Variants in RNF185 observed in about 807,000 individuals in gnomAD.
RNF185 encodes ring finger protein 185.
A neutral mutation model predicts 24.9 loss-of-function variants in RNF185; 13 were observed. The observed-to-expected ratio is 0.52, with a 90% CI of 0.34 to 0.83. The LOEUF is 0.83. Ranked by LOEUF, RNF185 falls within the 40% of genes least tolerant of loss-of-function variation. The pLI, the probability that RNF185 is intolerant of heterozygous loss-of-function variation, is 0.01. For synonymous variants in RNF185, 79 were observed against 90.3 expected (o/e 0.88, Z 0.71); for missense variants, 184 against 244.7 (o/e 0.75, Z 1.65).
At chr22:31,162,956 G>C (rs1923673825) in intron 1 of RNF185, among the ~76,000 whole-genome samples, 1 of 151,816 alleles carries the variant, frequency 6.6e-6, no homozygotes, top group Non-Finnish European at 1.5e-5. Flanking sequence ...AGTAGAGGTA[G>C]GGTTTCACTG....
intron 6 of RNF185, 132 bp from the exon 7 acceptor site, chr22:31,204,354 AAAG>A: frequency 4.6e-6 from 3 of 647,842 alleles, no homozygotes; most frequent in East Asian, 2.7e-5. Flanking sequence ...AAAAAAAAAA[AAAG>A]AAATCTTTTT....
chr22:31,165,909 A>G (rs1307849503), intron 1 of RNF185, among the ~76,000 whole-genome samples: 2 of 152,238 alleles, frequency 1.3e-5, no homozygotes, highest in African/African-American at 4.8e-5. Flanking sequence ...GCATTTGGCC[A>G]TAACCAAACC....
At chr22:31,185,788 C>G (rs751330208) in intron 1 of RNF185, among the ~76,000 whole-genome samples, 7 of 152,144 alleles carry the variant, frequency 4.6e-5, no homozygotes, top group African/African-American at 7.2e-5. Flanking sequence ...TGGTTTTATC[C>G]TCTTTCTTGT....
intron 1 of RNF185, among the ~76,000 whole-genome samples, chr22:31,164,806 G>A (rs1923811804): frequency 6.6e-6 from 1 of 151,948 alleles, no homozygotes; most frequent in African/African-American, 2.4e-5. Flanking sequence ...GGCTGGTCTT[G>A]AAGTCCCAAC....
intron 2 of RNF185, 59 bp downstream of exon 2, chr22:31,187,329 C>T: frequency 6.3e-7 from 1 of 1,593,398 alleles, no homozygotes; most frequent in South Asian, 1.1e-5. Flanking sequence ...AGCCTGTGGC[C>T]CTGGGTGGTT....
intron 1 of RNF185, among the ~76,000 whole-genome samples, chr22:31,167,482 A>T (rs1231510885): frequency 6.6e-6 from 1 of 151,952 alleles, no homozygotes; most frequent in Non-Finnish European, 1.5e-5. Context: ...TCCTCCCCCC[A>T]GCTCCTGGTA....
intron 3 of RNF185, 92 bp downstream of exon 3, chr22:31,192,794 C>T: frequency 8.3e-7 from 1 of 1,211,340 alleles, no homozygotes; most frequent in African/African-American, 1.5e-5. Context: ...AAGCTGCAAT[C>T]TGCCCTGCTT....
chr22:31,195,482 G>A lies in RNF185; in HGVS notation c.209G>A (p.Arg70Lys), dbSNP rs1365267557. The change falls in exon 4 of 7, where the codon AGA (arginine) becomes AAA (lysine). Residue 70 changes from arginine to lysine, a missense_variant. Coordinates refer to ENST00000326132, the MANE Select transcript of RNF185 (RefSeq NM_152267.4). ...TCCTGTTTGCAGTGGTTGGAGACCAGACCTAACAGACAGGTGTGTCCTGTT... is the reference window on the plus strand; with the variant it reads ...TCCTGTTTGCAGTGGTTGGAGACCAAACCTAACAGACAGGTGTGTCCTGTT... ...WPCLHQWLET[R>K]PNRQVCPVCK... 1 of 1,606,494 alleles carries A rather than the reference G, an allele frequency of 6.2e-7. No individual in the cohort carries two copies. The highest frequency in any genetic ancestry group is 1.1e-5 in the South Asian group (1 of 89,222).
chr22:31,193,206 C>T (rs891394706), intron 3 of RNF185, among the ~76,000 whole-genome samples: 1 of 152,082 alleles, frequency 6.6e-6, no homozygotes, highest in South Asian at 2.1e-4. Context: ...TGAAAGTCTC[C>T]CTGGTCGTCA....
At chr22:31,189,135 A>ATATGTG (rs368967009) in intron 2 of RNF185, among the ~76,000 whole-genome samples, 11,214 of 136,814 alleles carry the variant, frequency 0.082, 608 homozygotes, top group Admixed American at 0.16. Flanking sequence ...CAAAAAAAAA[A>ATATGTG]TGTGTGTGTG....
At chr22:31,161,481 C>T (rs1377145952) in intron 1 of RNF185, among the ~76,000 whole-genome samples, 1 of 152,228 alleles carries the variant, frequency 6.6e-6, no homozygotes, top group Admixed American at 6.5e-5. Flanking sequence ...TGTGCACCAT[C>T]CTTCTTTTCA....
chr22:31,176,509 GAC>G (rs1334221785), intron 1 of RNF185, among the ~76,000 whole-genome samples: 1 of 128,134 alleles, frequency 7.8e-6, no homozygotes, highest in Non-Finnish European at 1.6e-5. Flanking sequence ...TTTTTTTTTA[GAC>G]AGAGTCTTGC....
intron 5 of RNF185, chr22:31,197,215 T>C: frequency 4.2e-6 from 2 of 470,622 alleles, no homozygotes; most frequent in Non-Finnish European, 7.5e-6. Context: ...TAATTATATA[T>C]ACACACAAAT....
At chr22:31,190,801 A>G (rs555797906) in intron 2 of RNF185, among the ~76,000 whole-genome samples, 21 of 151,230 alleles carry the variant, frequency 1.4e-4, no homozygotes, top group Admixed American at 2.6e-4. Context: ...ATGGGGTTTC[A>G]CCATGTTGGC....
At position 31,205,828 on chromosome 22, in the gene RNF185, G is replaced by A. The variant is rs1167823834; in HGVS notation, c.*1242G>A. 1 of 152,420 alleles carries A rather than the reference G, an allele frequency of 6.6e-6. No homozygotes were observed. The highest frequency in any genetic ancestry group is 1.5e-5 in the Non-Finnish European group (1 of 68,200). 9.4% of individuals were successfully genotyped at this position (152,420 alleles called of 1,614,324 possible). A position where few individuals can be genotyped will look rare whatever the true frequency, so the allele number is the denominator to read the frequency against. On this transcript the variant is annotated 3_prime_UTR_variant, in exon 7 of 7. Coordinates refer to ENST00000326132, the MANE Select transcript of RNF185 (RefSeq NM_152267.4). The stretch of plus-strand genomic sequence containing the variant: ...ATGATATTGTGTGGTCTTCCCTCCT[G>A]TGGAATCGAGGGGAAATTATTCTTC...
chr22:31,183,939 C>CCACCT (rs397748304), intron 1 of RNF185, among the ~76,000 whole-genome samples: 5 of 139,976 alleles, frequency 3.6e-5, no homozygotes, highest in African/African-American at 1.3e-4. Context: ...GAGGGGCTCC[C>CCACCT]ACCTCCCGGA....
chr22:31,191,747 G>A (rs374044714), intron 2 of RNF185, among the ~76,000 whole-genome samples: 3 of 149,248 alleles, frequency 2.0e-5, no homozygotes, highest in Admixed American at 6.7e-5. Flanking sequence ...CAGGAGAATC[G>A]CTTGAACCTG....
At chr22:31,198,650 T>A (rs1163676995) in intron 5 of RNF185, among the ~76,000 whole-genome samples, 1 of 149,060 alleles carries the variant, frequency 6.7e-6, no homozygotes, top group Non-Finnish European at 1.5e-5. Context: ...CCGCCCTCCT[T>A]GGCCTCCCAA....
At chr22:31,174,899 G>A (rs1022078816) in intron 1 of RNF185, among the ~76,000 whole-genome samples, 1 of 151,332 alleles carries the variant, frequency 6.6e-6, no homozygotes, top group Non-Finnish European at 1.5e-5. Flanking sequence ...CTGAAACTCG[G>A]CCTCTACGAA....
Sources: gnomAD v4.1 joint callset for allele counts (sites outside exome capture counted in the v4.1 genomes callset) on GRCh38, gnomAD v4.1.1 for gene constraint, MANE v1.5 for transcripts, NCBI Gene and HGNC (gene_info 2026-07-23, HGNC 2026-07-21) for gene names.